Variants in ADGRG4 observed in about 807,000 individuals in gnomAD.
The protein encoded by ADGRG4 is adhesion G protein-coupled receptor G4.
In ADGRG4, 122 loss-of-function variants were observed where a neutral mutation model predicts 126.2. That is an observed-to-expected ratio of 0.97 (90% CI 0.83 to 1.12). The LOEUF is 1.12. Ranked by LOEUF, ADGRG4 falls within the 50% of genes most tolerant of loss-of-function variation. The pLI is 0.00. For missense variants in ADGRG4, 2,481 were observed against 2,251.8 expected, an observed-to-expected ratio of 1.10 and a Z score of -2.06; for synonymous variants, 943 against 838.7, an observed-to-expected ratio of 1.12 and a Z score of -2.15.
intron 25 of ADGRG4, 85 bp from the exon 26 acceptor site, chrX:136,416,369 C>A: frequency 1.4e-6 from 1 of 711,786 alleles, no homozygotes; most frequent in South Asian, 2.7e-5. Flanking sequence ...TTTTTTCCTT[C>A]ATTTGATAAA....
At position 136,347,857 on chromosome X, in the gene ADGRG4, G is replaced by A. The variant is rs766603255; in HGVS notation, c.4151G>A (p.Ser1384Asn). The change falls in exon 6 of 26, where the codon AGT becomes AAT. Residue 1384 changes from serine (S) to asparagine (N), a missense_variant. Ser to Asn is a conservative substitution (Grantham distance 46). Transcript: ENST00000394143. ...TTGTGTCCTGAAAAGGAAAGCACGA[G>A]TGCCCTTCCAGCATATACTCCCAGG... Reference protein sequence around the residue: ...TFLCPEKESTSALPAYTPRTV... With the variant: ...TFLCPEKESTNALPAYTPRTV... 1 of 1,209,638 alleles carries A rather than the reference G, an allele frequency of 8.3e-7. No individual in the cohort carries two copies. Among genetic ancestry groups the A allele is most frequent in the Admixed American group, 2.2e-5 (1 of 45,964 alleles).
At position 136,387,873 on chromosome X, in the gene ADGRG4, A is replaced by G; in HGVS notation, c.7910A>G (p.Lys2637Arg). Residue 2637 changes from lysine (K) to arginine (R), a missense_variant and splice_region_variant, in exon 16 of 26, where the codon AAG becomes AGG. Lys to Arg is a conservative substitution (Grantham distance 26). Transcript: ENST00000394143. ...TTCTTTGGCCAAACTTCACTCTTTA[A>G]GGTAAATTCTTGCCTGTGGTAACTG... The part of the protein sequence containing the change: ...FNFFGQTSLF[K>R]TKNVTKALTT... 1 of 1,205,031 alleles carries G rather than the reference A, an allele frequency of 8.3e-7. No homozygotes were observed. Among genetic ancestry groups the G allele is most frequent in the Non-Finnish European group, 1.1e-6 (1 of 891,412 alleles).
At chrX:136,402,360 C>T (rs1445240015) in intron 21 of ADGRG4, among the ~76,000 whole-genome samples, 1 of 111,018 alleles carries the variant, frequency 9.0e-6, no homozygotes, top group Non-Finnish European at 1.9e-5. Flanking sequence ...TGAGGCCTTC[C>T]CCTGTCTCTC....
Position 136,346,305 on chromosome X carries a change from A to G in ADGRG4, c.2599A>G (p.Met867Val). 1 of 1,210,957 alleles carries G rather than the reference A, an allele frequency of 8.3e-7. No individual in the cohort carries two copies. Among genetic ancestry groups the G allele is most frequent in the East Asian group, 3.0e-5 (1 of 33,836 alleles). Residue 867 changes from methionine (M) to valine (V), a missense_variant, in exon 6 of 26, where the codon ATG becomes GTG. Physicochemically the swap from Met to Val is conservative, Grantham distance 21. Transcript: ENST00000394143. ...GGCTGAGGTTTCTCCATTTTCAACA[A>G]TGCTGGAAGTGACAGACGAATCAGC... ...AVAEVSPFST[M>V]LEVTDESAQR...
intron 15 of ADGRG4, among the ~76,000 whole-genome samples, chrX:136,387,231 AG>A (rs2075296557): frequency 1.8e-5 from 2 of 112,485 alleles, no homozygotes; most frequent in Admixed American, 9.4e-5. Flanking sequence ...AGCATGCAGC[AG>A]AATTGCTAAG....
intron 25 of ADGRG4, among the ~76,000 whole-genome samples, chrX:136,415,717 T>C (rs1474448781): frequency 9.0e-6 from 1 of 111,678 alleles, no homozygotes; most frequent in Non-Finnish European, 1.9e-5. Flanking sequence ...TTGGGGCTGG[T>C]TGGAAAATAA....
intron 15 of ADGRG4, among the ~76,000 whole-genome samples, chrX:136,380,643 TTCTTCTTCC>T (rs1355981037): frequency 5.1e-4 from 43 of 84,634 alleles, no homozygotes; most frequent in African/African-American, 1.9e-3. Flanking sequence ...CTTCTTCTTC[TTCTTCTTCC>T]TCCTCCTCCT....
At chrX:136,321,031 T>G (rs1470284472) in intron 4 of ADGRG4, among the ~76,000 whole-genome samples, 2 of 111,697 alleles carry the variant, frequency 1.8e-5, no homozygotes, top group African/African-American at 6.5e-5. Flanking sequence ...CCCTGGAGAT[T>G]TATGCTCACC....
chrX:136,396,612 G>A (rs74799822), intron 19 of ADGRG4, among the ~76,000 whole-genome samples: 3,738 of 94,002 alleles, frequency 0.04, 302 homozygotes, highest in African/African-American at 0.15. Context: ...AAAAAAAAAA[G>A]AGAGAGAGAG....
Position 136,373,078 on chromosome X carries a change from A to G in ADGRG4, c.7776+14A>G. The G allele has an allele frequency of 1.7e-6, 2 of 1,176,438 alleles. No individual in the cohort carries two copies. Among genetic ancestry groups the G allele is most frequent in the African/African-American group, 3.5e-5 (2 of 56,765 alleles). On this transcript the variant is annotated intron_variant, in intron 15 of 25. Coordinates refer to ENST00000394143, the MANE Select transcript of ADGRG4 (RefSeq NM_153834.4). ...ACAGACCCTGAGGTGAGTGCAGCTCAGGGAACTGAGAGCCAATCAGCCAAG... is the reference window on the plus strand; with the variant it reads ...ACAGACCCTGAGGTGAGTGCAGCTCGGGGAACTGAGAGCCAATCAGCCAAG...
At chrX:136,333,512 G>C (rs191473398) in intron 5 of ADGRG4, among the ~76,000 whole-genome samples, 1 of 111,032 alleles carries the variant, frequency 9.0e-6, no homozygotes, top group Non-Finnish European at 1.9e-5. Context: ...GTATTTATTT[G>C]TTTATTTATT....
intron 21 of ADGRG4, among the ~76,000 whole-genome samples, chrX:136,402,700 T>G: frequency 8.9e-6 from 1 of 111,823 alleles, no homozygotes; most frequent in East Asian, 2.8e-4. Flanking sequence ...CTGAACTGAT[T>G]GCTTTATTAT....
chrX:136,344,075 G>A lies in ADGRG4; in HGVS notation c.686-317G>A, dbSNP rs147789766. Among the ~76,000 whole-genome samples, 319 of 111,684 alleles carry A rather than the reference G, an allele frequency of 2.9e-3. 2 individuals are homozygous for A. Among genetic ancestry groups the A allele is most frequent in the African/African-American group, 0.01 (309 of 30,843 alleles). ...TTATAGCTGTATTTTTCAAGGAATTGGATCCTTTCCCAAAGCTAATCTTCT... is the reference window on the plus strand; with the variant it reads ...TTATAGCTGTATTTTTCAAGGAATTAGATCCTTTCCCAAAGCTAATCTTCT... On this transcript the variant is annotated intron_variant, in intron 5 of 25. Coordinates refer to ENST00000394143, the MANE Select transcript of ADGRG4 (RefSeq NM_153834.4).
At chrX:136,396,403 ATT>A (rs1307325946) in intron 19 of ADGRG4, among the ~76,000 whole-genome samples, 1 of 100,594 alleles carries the variant, frequency 9.9e-6, no homozygotes, top group Non-Finnish European at 2.0e-5. Context: ...ATATATATAT[ATT>A]TTTTTTTTGA....
Position 136,349,228 on chromosome X carries a change from A to G in ADGRG4, c.5522A>G (p.His1841Arg). The change falls in exon 6 of 26, where the codon CAT (histidine) becomes CGT (arginine). Residue 1841 changes from histidine (H) to arginine (R), a missense_variant. By Grantham distance (29) the His-to-Arg change is conservative. Coordinates refer to ENST00000394143, the MANE Select transcript of ADGRG4 (RefSeq NM_153834.4). Reference protein sequence around the residue: ...PSLTSFVYSPHSTEAEISTPK... With the variant: ...PSLTSFVYSPRSTEAEISTPK... Reference sequence around the variant, plus strand: ...TTGACATCATTTGTTTATTCACCTCATAGTACTGAAGCTGAGATCTCTACT... The same window carrying G: ...TTGACATCATTTGTTTATTCACCTCGTAGTACTGAAGCTGAGATCTCTACT... 8.3e-7 allele frequency: 1 copy of G among 1,204,663 alleles called. No homozygotes were observed. Among genetic ancestry groups the G allele is most frequent in the Non-Finnish European group, 1.1e-6 (1 of 889,974 alleles).
intron 16 of ADGRG4, among the ~76,000 whole-genome samples, chrX:136,389,678 A>T (rs2075309516): frequency 8.9e-6 from 1 of 112,184 alleles, no homozygotes. Flanking sequence ...AAGGTGTCAC[A>T]ATTTATTCAT....
chrX:136,381,150 T>A (rs2075261632), intron 15 of ADGRG4, among the ~76,000 whole-genome samples: 1 of 112,349 alleles, frequency 8.9e-6, no homozygotes. Flanking sequence ...TTATATGTTG[T>A]ATTTTATTAT....
intron 15 of ADGRG4, among the ~76,000 whole-genome samples, chrX:136,384,873 G>A (rs187419028): frequency 3.6e-5 from 4 of 110,885 alleles, no homozygotes; most frequent in African/African-American, 6.5e-5. Context: ...TCTGCAGTTT[G>A]ACTATTATAT....
intron 15 of ADGRG4, among the ~76,000 whole-genome samples, chrX:136,377,935 GC>G (rs781386010): frequency 3.3e-4 from 36 of 108,228 alleles, no homozygotes; most frequent in African/African-American, 1.2e-3. Context: ...CAACATTGTT[GC>G]TTTTCAAGAT....
Sources: gnomAD v4.1 joint callset for allele counts (sites outside exome capture counted in the v4.1 genomes callset) on GRCh38, gnomAD v4.1.1 for gene constraint, MANE v1.5 for transcripts, NCBI Gene and HGNC (gene_info 2026-07-23, HGNC 2026-07-21) for gene names.